The following CCDC91 variants were observed in gnomAD, a reference collection of about 807,000 sequenced individuals.
CCDC91 encodes the protein coiled-coil domain-containing protein 91.
In CCDC91, 48 loss-of-function variants were observed where a neutral mutation model predicts 63.2. That is an observed-to-expected ratio of 0.76 (90% CI 0.60 to 0.97). The LOEUF (loss-of-function observed/expected upper bound fraction) is 0.97. Among genes scored for constraint, CCDC91 ranks in the 50% least tolerant of loss-of-function variants. The probability of loss-of-function intolerance (pLI) is 0.00; values close to 1 mark genes in which losing one functional copy is unlikely to be tolerated. For missense variants in CCDC91, 500 were observed against 494.6 expected, an observed-to-expected ratio of 1.01 and a Z score of -0.10; for synonymous variants, 167 against 165.8, an observed-to-expected ratio of 1.01 and a Z score of -0.06.
At chr12:28,261,449 G>A (rs569673854) in intron 3 of CCDC91, among the ~76,000 whole-genome samples, 165 of 151,998 alleles carry the variant, frequency 1.1e-3, no homozygotes, top group African/African-American at 3.9e-3. Context: ...GTGGGCTAGT[G>A]CTGCAACACA....
At chr12:28,426,945 C>A (rs1363402922) in intron 8 of CCDC91, among the ~76,000 whole-genome samples, 1 of 152,032 alleles carries the variant, frequency 6.6e-6, no homozygotes, top group Admixed American at 6.6e-5. Flanking sequence ...AAGAAGTAGG[C>A]TATGTTTAAT....
At chr12:28,542,161 G>A (rs1440303159) in intron 12 of CCDC91, among the ~76,000 whole-genome samples, 1 of 152,022 alleles carries the variant, frequency 6.6e-6, no homozygotes, top group African/African-American at 2.4e-5. Flanking sequence ...GCAAAAATGA[G>A]TATTTCCATT....
At chr12:28,289,752 C>G (rs191330503) in intron 3 of CCDC91, among the ~76,000 whole-genome samples, 1 of 131,344 alleles carries the variant, frequency 7.6e-6, no homozygotes, top group Non-Finnish European at 1.5e-5. Context: ...AGTGCAGTGG[C>G]GCGATCTCGG....
At chr12:28,419,048 G>A (rs1408383507) in intron 8 of CCDC91, among the ~76,000 whole-genome samples, 1 of 151,770 alleles carries the variant, frequency 6.6e-6, no homozygotes, top group Non-Finnish European at 1.5e-5. Flanking sequence ...CTCTTTTTTT[G>A]TCAGATATTC....
intron 7 of CCDC91, among the ~76,000 whole-genome samples, chr12:28,369,454 C>T (rs952691775): frequency 8.5e-5 from 13 of 152,190 alleles, no homozygotes; most frequent in African/African-American, 2.4e-4. Flanking sequence ...TGAGGCTCTG[C>T]GGGGTGCAGC....
intron 12 of CCDC91, among the ~76,000 whole-genome samples, chr12:28,522,903 G>T (rs1174762313): frequency 2.0e-5 from 3 of 151,980 alleles, no homozygotes; most frequent in Non-Finnish European, 4.4e-5. Context: ...TTTCTTAATC[G>T]TGAGTTCTAG....
At chr12:28,190,934 CG>C (rs1368465072) in intron 1 of CCDC91, among the ~76,000 whole-genome samples, 1 of 152,216 alleles carries the variant, frequency 6.6e-6, no homozygotes, top group Non-Finnish European at 1.5e-5. Context: ...TCTACGCCCA[CG>C]AACACGTGAT....
At chr12:28,362,118 A>G (rs996641196) in intron 6 of CCDC91, among the ~76,000 whole-genome samples, 12 of 152,042 alleles carry the variant, frequency 7.9e-5, no homozygotes, top group Admixed American at 3.9e-4. Flanking sequence ...GCAGTGACGC[A>G]GGGTTTCCCA....
At position 28,306,876 on chromosome 12, in the gene CCDC91, T is replaced by G. The variant is rs1345483202; in HGVS notation, c.402T>G (p.Leu134=). 2 of 1,611,986 alleles carry G rather than the reference T, an allele frequency of 1.2e-6. No individual in the cohort carries two copies. The highest frequency in any genetic ancestry group is 1.7e-5 in the Admixed American group (1 of 59,880). The change falls in exon 5 of 13, where the codon CTT becomes CTG. Residue 134 remains leucine, a synonymous_variant. Coordinates refer to ENST00000536442, the MANE Select transcript of CCDC91 (RefSeq NM_018318.5). ...GAGCCAATGTATCTAACATACAGCTTCAGCAAAAAATTTCAAGTCTGGAGA... is the reference window on the plus strand; with the variant it reads ...GAGCCAATGTATCTAACATACAGCTGCAGCAAAAAATTTCAAGTCTGGAGA... The part of the protein sequence containing the change: ...DPGANVSNIQ[L]QQKISSLEIK...
chr12:28,539,733 T>A lies in CCDC91; in HGVS notation c.1216-9330T>A, dbSNP rs193277449. Reference sequence around the variant, plus strand: ...ATTTTCTTACATTCTTAGATCCAGGTGGGAGGCAGCAGTGATTTTAAGAGT... The same window carrying A: ...ATTTTCTTACATTCTTAGATCCAGGAGGGAGGCAGCAGTGATTTTAAGAGT... On this transcript the variant is annotated intron_variant, in intron 12 of 12. Transcript: ENST00000536442. 1.7e-3 allele frequency among the ~76,000 whole-genome samples: 259 copies of A among 152,236 alleles called. 3 individuals carry two copies. The highest frequency in any genetic ancestry group is 5.9e-3 in the African/African-American group (247 of 41,548).
intron 6 of CCDC91, among the ~76,000 whole-genome samples, chr12:28,340,649 G>A (rs149605232): frequency 6.6e-6 from 1 of 152,218 alleles, no homozygotes; most frequent in African/African-American, 2.4e-5. Flanking sequence ...TGCTTCTTTG[G>A]TGGCCCGCTA....
At chr12:28,507,736 T>C (rs546533723) in intron 12 of CCDC91, among the ~76,000 whole-genome samples, 1 of 152,116 alleles carries the variant, frequency 6.6e-6, no homozygotes, top group South Asian at 2.1e-4. Context: ...TAGTACAGTC[T>C]TACCAGTTTG....
chr12:28,264,591 G>GTGTGTGTA (rs1947062219), intron 3 of CCDC91, among the ~76,000 whole-genome samples: 1 of 145,550 alleles, frequency 6.9e-6, no homozygotes, highest in Non-Finnish European at 1.5e-5. Context: ...CTGTCTGTGT[G>GTGTGTGTA]TGTGTGTGTG....
At chr12:28,304,623 C>T in intron 3 of CCDC91, 2 of 1,250,938 alleles carry the variant, frequency 1.6e-6, no homozygotes, top group Middle Eastern at 2.2e-4. Context: ...TGTCTTTCTT[C>T]AGGGAAACAT....
intron 8 of CCDC91, among the ~76,000 whole-genome samples, chr12:28,435,583 G>A (rs10843171): frequency 1.3e-5 from 2 of 151,478 alleles, no homozygotes; most frequent in Non-Finnish European, 3.0e-5. Context: ...AATGTTTATT[G>A]TGCTGTTGTT....
intron 11 of CCDC91, among the ~76,000 whole-genome samples, chr12:28,461,138 CT>C (rs887417714): frequency 2.6e-5 from 4 of 151,914 alleles, no homozygotes; most frequent in African/African-American, 9.7e-5. Flanking sequence ...GTAAAAATAC[CT>C]GTTATAATCT....
At chr12:28,312,935 C>A (rs1939475838) in intron 6 of CCDC91, among the ~76,000 whole-genome samples, 1 of 152,010 alleles carries the variant, frequency 6.6e-6, no homozygotes, top group African/African-American at 2.4e-5. Context: ...AAACCTCTTT[C>A]TTTTATAAGT....
At chr12:28,436,251 T>A (rs1236735218) in intron 8 of CCDC91, among the ~76,000 whole-genome samples, 1 of 151,856 alleles carries the variant, frequency 6.6e-6, no homozygotes, top group Non-Finnish European at 1.5e-5. Flanking sequence ...ATCAAACTTA[T>A]CAAATCTTTC....
At position 28,231,435 on chromosome 12, in the gene CCDC91, A is replaced by C. The variant is rs370488946; in HGVS notation, c.-14-25767A>C. Among the ~76,000 whole-genome samples, 218 of 152,328 alleles carry C rather than the reference A, an allele frequency of 1.4e-3. 2 individuals are homozygous for C. The highest frequency in any genetic ancestry group is 0.01 in the Middle Eastern group (3 of 294). ...AACAACTAAAGAAATATCTTTGTAC[A>C]TCCTTAGTACAGCTTGTTCCTGTTC... On this transcript the variant is annotated intron_variant, in intron 1 of 12. Coordinates refer to ENST00000536442, the MANE Select transcript of CCDC91 (RefSeq NM_018318.5).
Sources: allele counts gnomAD v4.1 joint callset (sites outside exome capture counted in the v4.1 genomes callset), GRCh38; gene constraint gnomAD v4.1.1; transcripts MANE v1.5; gene names NCBI Gene and HGNC (gene_info 2026-07-23, HGNC 2026-07-21).